The following C6orf120 variants were observed in gnomAD, a reference collection of about 807,000 sequenced individuals.
C6orf120 encodes chromosome 6 open reading frame 120.
For synonymous variants in C6orf120, 165 were observed against 123.1 expected, an observed-to-expected ratio of 1.34 and a Z score of -2.25; for missense variants, 311 against 264.2, an observed-to-expected ratio of 1.18 and a Z score of -1.23.
At chr6:169,702,389 C>T (rs1788347249) in exon 1 of C6orf120, 2 of 943,428 alleles carry the variant, frequency 2.1e-6, no homozygotes, top group East Asian at 5.3e-5. Context: ...GGACAGGCTC[C>T]GGTGCTGAGC....
downstream of C6orf120, chr6:169,704,920 G>A (rs1788723384): frequency 4.8e-6 from 2 of 414,116 alleles, no homozygotes; most frequent in African/African-American, 2.1e-5. Flanking sequence ...CCAAAACTTA[G>A]CAGGGGCATT....
At chr6:169,704,023 TC>T in exon 1 of C6orf120, 2 of 1,601,630 alleles carry the variant, frequency 1.2e-6, no homozygotes, top group Non-Finnish European at 1.7e-6. Flanking sequence ...TTGCTGTTTT[TC>T]CCCCTTCTGC....
chr6:169,702,862 T>C (rs1788462387), exon 1 of C6orf120: 2 of 1,611,868 alleles, frequency 1.2e-6, no homozygotes, highest in Non-Finnish European at 1.7e-6. Context: ...GAAGGTGTAC[T>C]ACGACGGCAC....
rs150834883 is a variant in C6orf120 at position 169,702,966 on chromosome 6, A to G, written c.507A>G (p.Gln169=). Residue 169 remains glutamine, a synonymous_variant, in exon 1 of 1, where the codon CAA becomes CAG. Transcript: ENST00000332290. ...CTGGTGCCCCGGAAGACGCCTCGCA[A>G]GAGGAGGAATCTGTTCTCTGGACGA... The G allele has an allele frequency of 4.2e-5, 67 of 1,605,986 alleles. No homozygotes were observed. In the African/African-American group the frequency reaches 8.7e-4, roughly 21 times the overall value.
downstream of C6orf120, among the ~76,000 whole-genome samples, chr6:169,706,175 A>G (rs540028017): frequency 1.3e-5 from 2 of 152,344 alleles, no homozygotes; most frequent in East Asian, 3.9e-4. Context: ...TAGAGCTATA[A>G]AATCTAAGTT....
At chr6:169,702,720 C>T (rs576989556) in exon 1 of C6orf120, 2 of 1,613,570 alleles carry the variant, frequency 1.2e-6, no homozygotes, top group Admixed American at 3.3e-5. Context: ...GCCTGCACCC[C>T]AGCTTCGACG....
exon 1 of C6orf120, chr6:169,702,261 G>A (rs1437828405): frequency 5.8e-6 from 4 of 691,992 alleles, no homozygotes; most frequent in Non-Finnish European, 1.1e-5. Flanking sequence ...TGGGCGCCGC[G>A]CTACGGGGGA....
At chr6:169,704,140 A>G in exon 1 of C6orf120, 1 of 1,383,404 alleles carries the variant, frequency 7.2e-7, no homozygotes, top group Non-Finnish European at 9.8e-7. Flanking sequence ...ACAGGACTGA[A>G]TTTTAAGCCC....
Position 169,702,694 on chromosome 6 carries a change from T to TACGTCTCCGC in C6orf120, c.236_245dup (p.Ser83ArgfsTer102). The TACGTCTCCGC allele has an allele frequency of 1.9e-6, 3 of 1,613,474 alleles. No individual in the cohort carries two copies. The highest frequency in any genetic ancestry group is 2.5e-6 in the Non-Finnish European group (3 of 1,180,002). ...CAGCCTCAAGGGAGATGCGGATCTG[T>TACGTCTCCGC]ACGTCTCCGCCAGCAGCCTGCACCC... On this transcript the variant is annotated frameshift_variant, in exon 1 of 1. Coordinates refer to ENST00000332290, the Ensembl canonical transcript of C6orf120. LOFTEE classifies it low-confidence loss of function (END_TRUNC).
downstream of C6orf120, chr6:169,705,392 G>T: frequency 9.3e-7 from 1 of 1,073,126 alleles, no homozygotes; most frequent in Non-Finnish European, 1.4e-6. Flanking sequence ...TAAAATACTA[G>T]TTTGCTTTAG....
exon 1 of C6orf120, chr6:169,702,285 C>A (rs1231161158): frequency 3.0e-6 from 2 of 677,922 alleles, no homozygotes; most frequent in East Asian, 2.7e-5. Context: ...GTTAACCCAC[C>A]CCTCCTCCCC....
chr6:169,702,552 C>T (rs1484067774), exon 1 of C6orf120: 47 of 1,612,490 alleles, frequency 2.9e-5, no homozygotes, highest in Admixed American at 6.7e-5. Context: ...GCTGCGCGGA[C>T]GAGGAGGAGG....
chr6:169,705,641 T>G, downstream of C6orf120: 1 of 1,523,630 alleles, frequency 6.6e-7, no homozygotes, highest in Non-Finnish European at 9.1e-7. Flanking sequence ...GGGAGCAGTG[T>G]ATAAGTGATT....
At chr6:169,705,001 C>T (rs1219245202), downstream of C6orf120, 1 of 580,072 alleles carries the variant, frequency 1.7e-6, no homozygotes, top group East Asian at 3.0e-5. Context: ...CCTGTATAAT[C>T]ACAGCTTTGG....
At chr6:169,705,003 C>G (rs775133903), downstream of C6orf120, 4 of 585,880 alleles carry the variant, frequency 6.8e-6, no homozygotes, top group African/African-American at 3.8e-5. Context: ...TGTATAATCA[C>G]AGCTTTGGTC....
At chr6:169,705,725 C>G (rs757205358), downstream of C6orf120, 57 of 1,472,436 alleles carry the variant, frequency 3.9e-5, no homozygotes, top group Non-Finnish European at 5.1e-5. Flanking sequence ...TGACCTTTGG[C>G]TGGAAGGGTA....
downstream of C6orf120, chr6:169,705,747 T>C (rs926230468): frequency 1.3e-5 from 14 of 1,115,358 alleles, no homozygotes; most frequent in Non-Finnish European, 1.7e-5. Flanking sequence ...AAGAGGGCTA[T>C]AAATTCATGC....
At chr6:169,704,608 T>G (rs1310217412) in exon 1 of C6orf120, 1 of 169,498 alleles carries the variant, frequency 5.9e-6, no homozygotes, top group Non-Finnish European at 1.4e-5. Context: ...GAAACTTCGT[T>G]GTAGGCATAT....
chr6:169,702,167 A>C (rs1005948290), upstream of C6orf120: 4 of 633,908 alleles, frequency 6.3e-6, no homozygotes, highest in African/African-American at 7.2e-5. Flanking sequence ...GTCCGGATGT[A>C]TAAAGCGCGG....
Sources: allele counts gnomAD v4.1 joint callset (sites outside exome capture counted in the v4.1 genomes callset), GRCh38; gene constraint gnomAD v4.1.1; transcripts MANE v1.5; gene names NCBI Gene and HGNC (gene_info 2026-07-23, HGNC 2026-07-21).